The following LRRC31 variants were observed in gnomAD, a reference collection of about 807,000 sequenced individuals.
The protein encoded by LRRC31 is leucine-rich repeat-containing protein 31.
LRRC31 carries 35 observed loss-of-function variants against 46.7 expected under a neutral mutation model. That is an observed-to-expected ratio of 0.75 (90% CI 0.57 to 0.99). The LOEUF (loss-of-function observed/expected upper bound fraction) is 0.99. Among genes scored for constraint, LRRC31 ranks in the 50% least tolerant of loss-of-function variants. LRRC31 has a pLI of 0.00. For missense variants in LRRC31, 613 were observed against 626.1 expected, an observed-to-expected ratio of 0.98 and a Z score of 0.22; for synonymous variants, 236 against 235.1, an observed-to-expected ratio of 1.00 and a Z score of -0.03.
intron 1 of LRRC31, among the ~76,000 whole-genome samples, chr3:169,865,054 C>T (rs1359077752): frequency 6.6e-6 from 1 of 150,584 alleles, no homozygotes; most frequent in Admixed American, 6.6e-5. Context: ...CCAGCCTGGG[C>T]AACAGAGCAA....
chr3:169,856,666 C>T (rs747985533), intron 4 of LRRC31, 39 bp downstream of exon 4: 3 of 1,524,414 alleles, frequency 2.0e-6, no homozygotes, highest in Non-Finnish European at 8.8e-7. Flanking sequence ...ATCCAGTGGG[C>T]ATCTTCACTT....
Position 169,854,610 on chromosome 3 carries a change from G to A in LRRC31, c.991+203C>T, listed in dbSNP as rs146665314. On this transcript the variant is annotated intron_variant, in intron 6 of 8. Transcript: ENST00000316428. ...AATCTATCATTTGCAGACATGTATG[G>A]GTGGAACTGAGATTCACTAACATTT... Among the ~76,000 whole-genome samples the A allele has an allele frequency of 9.7e-4, 147 of 152,200 alleles. 1 individual carries two copies. Among genetic ancestry groups the A allele is most frequent in the African/African-American group, 3.4e-3 (140 of 41,524 alleles).
rs1027569784 is a variant in LRRC31 at position 169,839,835 on chromosome 3, A to T, written c.*147T>A. 1 of 245,262 alleles carries T rather than the reference A, an allele frequency of 4.1e-6. No homozygotes were observed. Among genetic ancestry groups the T allele is most frequent in the Non-Finnish European group, 7.6e-6 (1 of 132,398 alleles). 15.2% of individuals were successfully genotyped at this position (245,262 alleles called of 1,614,324 possible). A position where few individuals can be genotyped will look rare whatever the true frequency, so the allele number is the denominator to read the frequency against. On this transcript the variant is annotated 3_prime_UTR_variant, in exon 9 of 9. Coordinates refer to ENST00000316428, the MANE Select transcript of LRRC31 (RefSeq NM_024727.4). ...ATATGTATATTACATATATATATGT[A>T]ATATATATATATATTTACAAAGCTC...
chr3:169,857,934 G>C lies in LRRC31; in HGVS notation c.488-1062C>G, dbSNP rs80178437. On this transcript the variant is annotated intron_variant, in intron 3 of 8. Coordinates refer to ENST00000316428, the MANE Select transcript of LRRC31 (RefSeq NM_024727.4). Reference sequence around the variant, plus strand: ...TTTTTGTGCTATTACCAGTCAATTGGGGGTGACTTTCTATAGCCCTGAGGT... The same window carrying C: ...TTTTTGTGCTATTACCAGTCAATTGCGGGTGACTTTCTATAGCCCTGAGGT... Among the ~76,000 whole-genome samples the C allele has an allele frequency of 6.3e-3, 966 of 152,162 alleles. 31 individuals carry two copies. The East Asian group carries it at 0.08, about 13-fold the overall frequency.
rs1441314811 is a variant in LRRC31, at chr3:169,839,426, A to C, written c.*556T>G. 1 of 152,188 alleles carries C rather than the reference A, an allele frequency of 6.6e-6. No homozygotes were observed. The highest frequency in any genetic ancestry group is 1.5e-5 in the Non-Finnish European group (1 of 68,032). 9.4% of individuals were successfully genotyped at this position (152,188 alleles called of 1,614,324 possible). ...AAAATAATAAACCATAGAAAGGTAC[A>C]CTTTCTGATAAAAACCTACATAGAC... On this transcript the variant is annotated 3_prime_UTR_variant, in exon 9 of 9. Transcript: ENST00000316428.
At chr3:169,856,645 C>T in intron 4 of LRRC31, 60 bp downstream of exon 4, 1 of 1,487,004 alleles carries the variant, frequency 6.7e-7, no homozygotes. Context: ...ACACAGCAAA[C>T]TTCCCAAGCT....
intron 3 of LRRC31, 29 bp from the exon 4 acceptor site, chr3:169,856,901 T>C (rs781370072): frequency 1.3e-6 from 2 of 1,583,508 alleles, no homozygotes; most frequent in South Asian, 2.3e-5. Flanking sequence ...AAAATTCTGT[T>C]GGTCACTAGT....
chr3:169,863,913 A>G (rs547187569), intron 1 of LRRC31, among the ~76,000 whole-genome samples: 1 of 152,178 alleles, frequency 6.6e-6, no homozygotes, highest in Admixed American at 6.5e-5. Context: ...GTCACAAACC[A>G]TTTCATAGAT....
In LRRC31 at chr3:169,860,653, A is replaced by G; in HGVS notation, c.395T>C (p.Leu132Pro). 3.1e-6 allele frequency: 5 copies of G among 1,614,158 alleles called. No homozygotes were observed. Among genetic ancestry groups the G allele is most frequent in the Non-Finnish European group, 4.2e-6 (5 of 1,179,992 alleles). Reference protein sequence around the residue: ...SWNGFVGGTLLSITQQMHLVS... With the variant: ...SWNGFVGGTLPSITQQMHLVS... ...CAGATGCATTTGCTGAGTGATGGAAAGGAGGGTTCCACCTACAAAACCATT... is the reference window on the plus strand; with the variant it reads ...CAGATGCATTTGCTGAGTGATGGAAGGGAGGGTTCCACCTACAAAACCATT... The change falls in exon 3 of 9, where the codon CTT becomes CCT. Residue 132 changes from leucine (L) to proline (P), a missense_variant. Leu to Pro is a moderately conservative substitution (Grantham distance 98). Transcript: ENST00000316428.
At chr3:169,840,347 C>A (rs1400292708) in intron 8 of LRRC31, 34 bp from the exon 9 acceptor site, 1 of 1,603,566 alleles carries the variant, frequency 6.2e-7, no homozygotes, top group Non-Finnish European at 8.5e-7. Flanking sequence ...TGCTAACATA[C>A]AAGAATACTG....
chr3:169,846,204 T>C (rs1472528604), intron 8 of LRRC31, among the ~76,000 whole-genome samples: 1 of 152,246 alleles, frequency 6.6e-6, no homozygotes, highest in East Asian at 1.9e-4. Flanking sequence ...TAACACTTGT[T>C]TTGAAAACAC....
intron 5 of LRRC31, 51 bp from the exon 6 acceptor site, chr3:169,855,031 C>T (rs376862458): frequency 6.6e-7 from 1 of 1,516,170 alleles, no homozygotes; most frequent in African/African-American, 1.4e-5. Flanking sequence ...AGTGGTGTAC[C>T]TATAGTCCCA....
chr3:169,858,564 T>C (rs562623566), intron 3 of LRRC31, among the ~76,000 whole-genome samples: 34 of 152,372 alleles, frequency 2.2e-4, no homozygotes, highest in Non-Finnish European at 4.1e-4. Flanking sequence ...GCAACTATTA[T>C]GCACCAGGCA....
intron 6 of LRRC31, among the ~76,000 whole-genome samples, chr3:169,854,570 T>A (rs183990468): frequency 4.8e-4 from 73 of 152,284 alleles, no homozygotes; most frequent in Non-Finnish European, 8.8e-4. Flanking sequence ...AATTCAAAAT[T>A]TTCCCTAAGT....
intron 8 of LRRC31, among the ~76,000 whole-genome samples, chr3:169,845,161 T>C (rs1464334194): frequency 1.3e-5 from 2 of 152,090 alleles, no homozygotes; most frequent in Non-Finnish European, 2.9e-5. Flanking sequence ...AACACTCAGA[T>C]ATAAATTTAA....
rs896913524 is a variant in LRRC31 at position 169,851,533 on chromosome 3, T to C, written c.1159+86A>G. ...ACAAATTAGTACTTCGCAAACTGGC[T>C]GAGCCTTGGAATGAAATGCAGGGAA... On this transcript the variant is annotated intron_variant, in intron 7 of 8. Coordinates refer to ENST00000316428, the MANE Select transcript of LRRC31 (RefSeq NM_024727.4). 4.4e-6 allele frequency: 6 copies of C among 1,361,472 alleles called. No homozygotes were observed. In the African/African-American group the frequency reaches 8.8e-5, roughly 20 times the overall value. 84.3% of individuals were successfully genotyped at this position (1,361,472 alleles called of 1,614,324 possible). A position where few individuals can be genotyped will look rare whatever the true frequency, so the allele number is the denominator to read the frequency against.
At chr3:169,850,594 A>C (rs1251445782) in intron 7 of LRRC31, among the ~76,000 whole-genome samples, 1 of 152,154 alleles carries the variant, frequency 6.6e-6, no homozygotes, top group Non-Finnish European at 1.5e-5. Flanking sequence ...CCTGAAATCA[A>C]ATCCTGCCTC....
At position 169,861,770 on chromosome 3, in the gene LRRC31, C is replaced by A; in HGVS notation, c.219G>T (p.Glu73Asp). ...SSEMEWRSSM[E>D]KNEHFLQKLG... ...GCTTCTGCAGGAAATGCTCATTTTT[C>A]TCCATACTGGATCTCCATTCCATTT... Residue 73 changes from glutamate to aspartate, a missense_variant, in exon 2 of 9, where the codon GAG becomes GAT. Glu to Asp is a conservative substitution (Grantham distance 45). Coordinates refer to ENST00000316428, the MANE Select transcript of LRRC31 (RefSeq NM_024727.4). The A allele has an allele frequency of 6.2e-7, 1 of 1,614,176 alleles. No homozygotes were observed. The highest frequency in any genetic ancestry group is 8.5e-7 in the Non-Finnish European group (1 of 1,180,030).
chr3:169,865,544 C>T (rs994248778), intron 1 of LRRC31, among the ~76,000 whole-genome samples: 4 of 152,200 alleles, frequency 2.6e-5, no homozygotes, highest in African/African-American at 9.6e-5. Flanking sequence ...ACTCATAAAA[C>T]ATTATTACAC....
Sources: allele counts gnomAD v4.1 joint callset (sites outside exome capture counted in the v4.1 genomes callset), GRCh38; gene constraint gnomAD v4.1.1; transcripts MANE v1.5; gene names NCBI Gene and HGNC (gene_info 2026-07-23, HGNC 2026-07-21).